Variants in JADE2 observed in about 807,000 individuals in gnomAD.
JADE2 encodes the protein E3 ubiquitin-protein ligase Jade-2.
In JADE2, 13 loss-of-function variants were observed where a neutral mutation model predicts 85.7. The ratio of observed to expected loss-of-function variants is 0.15; its 90% confidence interval spans 0.10 to 0.24. JADE2 has a LOEUF of 0.24. Among genes scored for constraint, JADE2 ranks in the 10% least tolerant of loss-of-function variants. The pLI is 1.00. For missense variants in JADE2, 846 were observed against 1,115.9 expected, an observed-to-expected ratio of 0.76 and a Z score of 3.45; for synonymous variants, 440 against 456.1, an observed-to-expected ratio of 0.96 and a Z score of 0.45.
At chr5:134,537,465 G>A (rs1168167490) in intron 2 of JADE2, among the ~76,000 whole-genome samples, 1 of 141,230 alleles carries the variant, frequency 7.1e-6, no homozygotes, top group Non-Finnish European at 1.6e-5. Context: ...TTTTACAGAA[G>A]AACAAACTAA....
intron 9 of JADE2, among the ~76,000 whole-genome samples, chr5:134,568,082 A>G (rs1442736311): frequency 1.3e-5 from 2 of 152,024 alleles, no homozygotes; most frequent in East Asian, 1.9e-4. Flanking sequence ...TTCCCAAACA[A>G]CCCCTCAGAA....
chr5:134,576,087 T>G (rs1014886159), intron 10 of JADE2, among the ~76,000 whole-genome samples: 15 of 152,102 alleles, frequency 9.9e-5, no homozygotes, highest in Admixed American at 6.5e-5. Flanking sequence ...TGGTCCCAGC[T>G]ACTCAGGAGG....
intron 4 of JADE2, among the ~76,000 whole-genome samples, chr5:134,557,038 CCACA>C (rs72155869): frequency 6.9e-6 from 1 of 144,120 alleles, no homozygotes; most frequent in Non-Finnish European, 1.5e-5. Flanking sequence ...TACACACACA[CCACA>C]CACACACCTC....
chr5:134,534,203 T>A (rs1222761338), intron 1 of JADE2, among the ~76,000 whole-genome samples: 1 of 152,146 alleles, frequency 6.6e-6, no homozygotes, highest in African/African-American at 2.4e-5. Flanking sequence ...AGCTTCAGTT[T>A]CCTCCTCTGC....
intron 10 of JADE2, chr5:134,575,336 T>C (rs1764289026): frequency 6.6e-6 from 1 of 152,214 alleles, no homozygotes; most frequent in South Asian, 2.1e-4. Context: ...GGAGATGATA[T>C]TTGGCCTGTG....
chr5:134,540,476 C>T (rs1389953671), intron 3 of JADE2, among the ~76,000 whole-genome samples: 1 of 151,730 alleles, frequency 6.6e-6, no homozygotes, highest in African/African-American at 2.4e-5. Flanking sequence ...TCAGGCGATC[C>T]TCCCACCTTG....
At chr5:134,531,883 C>CTTTTT (rs1160758941) in intron 1 of JADE2, among the ~76,000 whole-genome samples, 2,365 of 38,500 alleles carry the variant, frequency 0.061, 655 homozygotes, top group Non-Finnish European at 0.078. Context: ...CCGTGCCTGG[C>CTTTTT]TTTTTTTTTT....
At chr5:134,534,605 T>C (rs953196126) in intron 1 of JADE2, among the ~76,000 whole-genome samples, 1 of 152,166 alleles carries the variant, frequency 6.6e-6, no homozygotes, top group Non-Finnish European at 1.5e-5. Context: ...TCTGCAGGGC[T>C]GCAGTAAGAT....
At chr5:134,526,679 C>T (rs1295672651) in intron 1 of JADE2, 2 of 985,366 alleles carry the variant, frequency 2.0e-6, no homozygotes, top group Non-Finnish European at 2.4e-6. Flanking sequence ...CACGCGGGGG[C>T]AGCATGCTCG....
rs1764722926 is a variant in JADE2, at chr5:134,581,784, G to C, written c.*2467G>C. ...GGAGGGGGGTGGCCTTTCATTTGGGGTGCCCTTTCACTCCCAGGCCAAGCC... is the reference window on the plus strand; with the variant it reads ...GGAGGGGGGTGGCCTTTCATTTGGGCTGCCCTTTCACTCCCAGGCCAAGCC... On this transcript the variant is annotated 3_prime_UTR_variant, in exon 12 of 12. Coordinates refer to ENST00000681547, the MANE Select transcript of JADE2 (RefSeq NM_001388185.1). 6.5e-6 allele frequency: 1 copy of C among 153,196 alleles called. No homozygotes were observed. Among genetic ancestry groups the C allele is most frequent in the Non-Finnish European group, 1.4e-5 (1 of 68,974 alleles). 9.5% of individuals were successfully genotyped at this position (153,196 alleles called of 1,614,324 possible).
chr5:134,526,862 T>G, intron 1 of JADE2: 1 of 710,388 alleles, frequency 1.4e-6, no homozygotes, highest in Non-Finnish European at 1.7e-6. Flanking sequence ...GGAGAGGCGC[T>G]GGGAGAGTGG....
At chr5:134,572,341 G>A (rs917454189) in intron 9 of JADE2, among the ~76,000 whole-genome samples, 2 of 152,238 alleles carry the variant, frequency 1.3e-5, no homozygotes, top group African/African-American at 4.8e-5. Context: ...CACATCGTGT[G>A]GAGGCCTGAG....
intron 1 of JADE2, among the ~76,000 whole-genome samples, chr5:134,527,682 C>A (rs1760947246): frequency 6.6e-6 from 1 of 150,874 alleles, no homozygotes; most frequent in Admixed American, 6.6e-5. Context: ...ATCACGCCGG[C>A]GCGCCTCCAG....
At chr5:134,559,358 C>T (rs1192721740) in intron 4 of JADE2, among the ~76,000 whole-genome samples, 3 of 152,116 alleles carry the variant, frequency 2.0e-5, no homozygotes, top group African/African-American at 4.8e-5. Context: ...AAGGGTATGC[C>T]GAAGGACCTA....
At chr5:134,567,355 A>AC (rs1763706188) in intron 9 of JADE2, among the ~76,000 whole-genome samples, 1 of 151,704 alleles carries the variant, frequency 6.6e-6, no homozygotes, top group Admixed American at 6.6e-5. Context: ...GCTGAAAACC[A>AC]CCCCCAGCTG....
chr5:134,569,630 T>C (rs578100692), intron 9 of JADE2, among the ~76,000 whole-genome samples: 264 of 152,236 alleles, frequency 1.7e-3, no homozygotes, highest in African/African-American at 5.4e-3. Context: ...AGGAGTTTAT[T>C]TGGGAGCCTG....
In JADE2 at chr5:134,535,908, C is replaced by T. The variant is rs1287683705; in HGVS notation, c.51C>T (p.Thr17=). ...KYSISSDNSD[T]TDSHATSTSA... Reference sequence around the variant, plus strand: ...CCATCAGCAGTGACAACTCTGACACCACTGACAGTAAGGCCTTCCAGTTTG... The same window carrying T: ...CCATCAGCAGTGACAACTCTGACACTACTGACAGTAAGGCCTTCCAGTTTG... Residue 17 remains threonine, a synonymous_variant, in exon 2 of 12, where the codon ACC becomes ACT. Transcript: ENST00000681547. 6.2e-7 allele frequency: 1 copy of T among 1,613,612 alleles called. No individual in the cohort carries two copies. The highest frequency in any genetic ancestry group is 8.5e-7 in the Non-Finnish European group (1 of 1,179,578).
rs1374777717 is a variant in JADE2 at position 134,579,954 on chromosome 5, C to G, written c.*637C>G. 1 of 153,166 alleles carries G rather than the reference C, an allele frequency of 6.5e-6. No homozygotes were observed. Among genetic ancestry groups the G allele is most frequent in the Non-Finnish European group, 1.5e-5 (1 of 68,396 alleles). 9.5% of individuals were successfully genotyped at this position (153,166 alleles called of 1,614,324 possible). ...CTGCCTGCCCACCCTGCCACCCTCC[C>G]CTCCCTTGCTGCTCTGCCCCTGCCA... On this transcript the variant is annotated 3_prime_UTR_variant, in exon 12 of 12. Transcript: ENST00000681547. The surrounding 1 kb of genome is among the most constrained non-coding windows in gnomAD (Gnocchi z 4.6).
At chr5:134,552,367 A>C (rs1035821504) in intron 4 of JADE2, among the ~76,000 whole-genome samples, 158 bp downstream of exon 4, 1 of 152,192 alleles carries the variant, frequency 6.6e-6, no homozygotes, top group Admixed American at 6.5e-5. Context: ...AATGTTCCAG[A>C]AATACTGGTG....
Sources: gnomAD v4.1 joint callset for allele counts (sites outside exome capture counted in the v4.1 genomes callset) on GRCh38, gnomAD v4.1.1 for gene constraint, Gnocchi (gnomAD v3.1) non-coding constraint, MANE v1.5 for transcripts, NCBI Gene and HGNC (gene_info 2026-07-23, HGNC 2026-07-21) for gene names.